Variants in BACH2 observed in about 807,000 individuals in gnomAD.
The protein encoded by BACH2 is transcription regulator protein BACH2.
A neutral mutation model predicts 61.8 loss-of-function variants in BACH2; 5 were observed. The observed-to-expected ratio is 0.08, with a 90% CI of 0.04 to 0.17. The LOEUF (loss-of-function observed/expected upper bound fraction) is 0.17, where lower values mean the gene tolerates loss of function less well. Among genes scored for constraint, BACH2 ranks in the 10% least tolerant of loss-of-function variants. BACH2 has a pLI of 1.00. For synonymous variants in BACH2, 446 were observed against 440.1 expected (o/e 1.01, Z -0.17); for missense variants, 824 against 1,091.1 (o/e 0.76, Z 3.45).
chr6:90,014,462 ATATATATTTTTTT>A (rs1562370119), intron 5 of BACH2, among the ~76,000 whole-genome samples: 125 of 65,138 alleles, frequency 1.9e-3, no homozygotes, highest in East Asian at 0.013. Flanking sequence ...ATATATATAT[ATATATATTTTTTT>A]TTTTTTTTTT....
intron 5 of BACH2, among the ~76,000 whole-genome samples, chr6:90,074,950 C>T (rs768117283): frequency 3.9e-5 from 6 of 152,066 alleles, no homozygotes; most frequent in Admixed American, 3.9e-4. Flanking sequence ...GGAACCTCTA[C>T]AGAATGGAAG....
intron 1 of BACH2, among the ~76,000 whole-genome samples, chr6:90,275,596 C>G (rs1234347954): frequency 6.6e-6 from 1 of 150,832 alleles, no homozygotes; most frequent in African/African-American, 2.4e-5. Context: ...ATTTTGTCAT[C>G]CAGGTACTAA....
At chr6:90,273,964 C>T (rs768011490) in intron 1 of BACH2, among the ~76,000 whole-genome samples, 9 of 152,186 alleles carry the variant, frequency 5.9e-5, no homozygotes, top group Non-Finnish European at 1.0e-4. Flanking sequence ...TATAATCAGG[C>T]GTAAACATTA....
chr6:90,116,959 T>TGAAAATGATA (rs1783426522), intron 4 of BACH2: 3 of 383,544 alleles, frequency 7.8e-6, no homozygotes. Context: ...CTTCCCTCTG[T>TGAAAATGATA]GAAAATGATA....
chr6:90,166,298 GA>G (rs1461036445), intron 4 of BACH2, among the ~76,000 whole-genome samples: 1 of 151,906 alleles, frequency 6.6e-6, no homozygotes, highest in Non-Finnish European at 1.5e-5. Flanking sequence ...AAAGACACAT[GA>G]AAAAATGCTC....
chr6:90,195,789 A>C (rs1768737551), intron 4 of BACH2, among the ~76,000 whole-genome samples: 1 of 152,186 alleles, frequency 6.6e-6, no homozygotes, highest in Non-Finnish European at 1.5e-5. Flanking sequence ...AATCCAATGC[A>C]AGGCTTGGCT....
chr6:90,171,090 G>T (rs1767796298), intron 4 of BACH2, among the ~76,000 whole-genome samples: 1 of 151,706 alleles, frequency 6.6e-6, no homozygotes, highest in Non-Finnish European at 1.5e-5. Flanking sequence ...TGGGAGAGGA[G>T]AAAAAAGAAG....
chr6:90,053,426 T>C (rs771072030), intron 5 of BACH2, among the ~76,000 whole-genome samples: 13 of 152,102 alleles, frequency 8.5e-5, no homozygotes, highest in Non-Finnish European at 1.8e-4. Flanking sequence ...ACTACAGGTA[T>C]ACACCACCCA....
At chr6:90,295,930 G>A (rs1262550718) in intron 1 of BACH2, among the ~76,000 whole-genome samples, 1 of 152,088 alleles carries the variant, frequency 6.6e-6, no homozygotes, top group Non-Finnish European at 1.5e-5. Context: ...TGACAGCTGA[G>A]CGCAAAGGCG....
intron 5 of BACH2, among the ~76,000 whole-genome samples, chr6:90,030,897 AC>A (rs1162517327): frequency 6.7e-6 from 1 of 149,542 alleles, no homozygotes; most frequent in African/African-American, 2.5e-5. Context: ...CAGAGACACA[AC>A]AAAAAAAGAG....
intron 4 of BACH2, among the ~76,000 whole-genome samples, chr6:90,190,170 C>G (rs1768519355): frequency 6.6e-6 from 1 of 152,162 alleles, no homozygotes; most frequent in Admixed American, 6.5e-5. Flanking sequence ...GTCTTGAACT[C>G]CTGACCTTGT....
chr6:90,103,304 G>A (rs910602893), intron 4 of BACH2, among the ~76,000 whole-genome samples: 16 of 152,074 alleles, frequency 1.1e-4, no homozygotes, highest in Admixed American at 9.2e-4. Flanking sequence ...AGGAGCTGCT[G>A]TGTGGAAGAC....
chr6:90,191,971 C>T (rs1460828223), intron 4 of BACH2, among the ~76,000 whole-genome samples: 2 of 152,134 alleles, frequency 1.3e-5, no homozygotes, highest in African/African-American at 2.4e-5. Flanking sequence ...ATGAAAAGGC[C>T]ACTGTTCAAA....
At chr6:89,968,789 T>C (rs548906592) in intron 6 of BACH2, among the ~76,000 whole-genome samples, 1 of 152,164 alleles carries the variant, frequency 6.6e-6, no homozygotes, top group Non-Finnish European at 1.5e-5. Flanking sequence ...GGCTGGCCGA[T>C]CCCTTGAGGT....
chr6:90,171,824 T>C (rs969099522), intron 4 of BACH2, among the ~76,000 whole-genome samples: 4 of 152,110 alleles, frequency 2.6e-5, no homozygotes, highest in African/African-American at 9.7e-5. Context: ...CAAAAATGAC[T>C]AGGCAGATTT....
intron 4 of BACH2, among the ~76,000 whole-genome samples, chr6:90,127,864 G>A (rs902385507): frequency 1.3e-5 from 2 of 152,184 alleles, no homozygotes; most frequent in African/African-American, 4.8e-5. Flanking sequence ...CACTTTAAAG[G>A]TGCTTCTGGC....
chr6:90,052,512 T>C lies in BACH2; in HGVS notation c.-13+36449A>G, dbSNP rs144363973. Among the ~76,000 whole-genome samples the C allele has an allele frequency of 4.6e-3, 698 of 152,284 alleles. 7 individuals carry two copies. The highest frequency in any genetic ancestry group is 0.016 in the African/African-American group (650 of 41,548). On this transcript the variant is annotated intron_variant, in intron 5 of 8. Coordinates refer to ENST00000257749, the MANE Select transcript of BACH2 (RefSeq NM_021813.4). ...TTGGCTCACTGCAACCTCCGTCTCCTGGGTTCAAGCGATTCTCATGCCTCA... is the reference window on the plus strand; with the variant it reads ...TTGGCTCACTGCAACCTCCGTCTCCCGGGTTCAAGCGATTCTCATGCCTCA...
chr6:90,288,225 A>G (rs1772078423), intron 1 of BACH2, among the ~76,000 whole-genome samples: 1 of 152,110 alleles, frequency 6.6e-6, no homozygotes, highest in Non-Finnish European at 1.5e-5. Context: ...ATATTCTACA[A>G]ATCAATGCAA....
intron 7 of BACH2, among the ~76,000 whole-genome samples, chr6:89,945,770 C>T (rs773123056): frequency 6.7e-6 from 1 of 150,082 alleles, no homozygotes; most frequent in African/African-American, 2.5e-5. Flanking sequence ...TCAAACATTA[C>T]AGACATACAT....
Sources: allele counts gnomAD v4.1 joint callset (sites outside exome capture counted in the v4.1 genomes callset), GRCh38; gene constraint gnomAD v4.1.1; transcripts MANE v1.5; gene names NCBI Gene and HGNC (gene_info 2026-07-23, HGNC 2026-07-21).